The following COL5A1 variants were observed in gnomAD, a reference collection of about 807,000 sequenced individuals.
COL5A1 encodes collagen type V alpha 1 chain, also known as collagen alpha-1(V) chain.
Under a neutral mutation model 263.7 loss-of-function variants are expected in COL5A1, and 16 were observed. The ratio of observed to expected loss-of-function variants is 0.06; its 90% confidence interval spans 0.04 to 0.09. COL5A1 has a LOEUF of 0.09. COL5A1 is among the 10% of genes least tolerant of loss of function. The pLI is 1.00. For missense variants in COL5A1, 2,036 were observed against 2,540.5 expected (o/e 0.80, Z 4.27); for synonymous variants, 1,012 against 1,004.5 (o/e 1.01, Z -0.14).
At chr9:134,796,973 C>T (rs982993027) in intron 36 of COL5A1, 72 bp downstream of exon 36, 9 of 1,356,346 alleles carry the variant, frequency 6.6e-6, no homozygotes, top group South Asian at 3.6e-5. Flanking sequence ...CTCCAAAACC[C>T]GCCTGTTTTC....
intron 9 of COL5A1, 49 bp downstream of exon 9, chr9:134,732,176 G>C: frequency 6.2e-7 from 1 of 1,600,752 alleles, no homozygotes; most frequent in Non-Finnish European, 8.6e-7. Context: ...TCCGCTGCTC[G>C]GGGTCACAGC....
intron 1 of COL5A1, among the ~76,000 whole-genome samples, chr9:134,656,194 G>A (rs888716480): frequency 6.6e-5 from 10 of 152,148 alleles, no homozygotes; most frequent in African/African-American, 2.4e-4. Context: ...GCGGCTCCTC[G>A]TCCTGCCCGC....
Position 134,728,779 on chromosome 9 carries a change from C to T in COL5A1, c.896C>T (p.Ala299Val), listed in dbSNP as rs1412650294. The T allele has an allele frequency of 1.9e-6, 3 of 1,614,096 alleles. No homozygotes were observed. Among genetic ancestry groups the T allele is most frequent in the East Asian group, 4.5e-5 (2 of 44,882 alleles). ...ACCCCCAGCAAGAAGCCCGTGGAAG[C>T]TGCCAAAGAAACCACAGAGGTCCCC... ...EPTPSKKPVEAAKETTEVPEE... is the reference protein window; with the variant it reads ...EPTPSKKPVEVAKETTEVPEE... Residue 299 changes from alanine to valine, a missense_variant, in exon 6 of 66, where the codon GCT (alanine) becomes GTT (valine). Transcript: ENST00000371817.
At chr9:134,729,979 G>T (rs1211242469) in intron 6 of COL5A1, among the ~76,000 whole-genome samples, 1 of 152,200 alleles carries the variant, frequency 6.6e-6, no homozygotes, top group East Asian at 1.9e-4. Flanking sequence ...TGTGTAACTG[G>T]GTGGGTTTGA....
chr9:134,822,168 G>C lies in COL5A1; in HGVS notation c.4608+18G>C, dbSNP rs544203089. Reference sequence around the variant, plus strand: ...GCCTGCCGGTGTGTATCTGGGAGGGGCTTGGTCATTCCTGGGAGGGCAGGG... The same window carrying C: ...GCCTGCCGGTGTGTATCTGGGAGGGCCTTGGTCATTCCTGGGAGGGCAGGG... On this transcript the variant is annotated intron_variant, in intron 59 of 65. Transcript: ENST00000371817. 3 of 1,598,760 alleles carry C rather than the reference G, an allele frequency of 1.9e-6. No homozygotes were observed. The East Asian group carries it at 6.7e-5, about 36-fold the overall frequency.
In COL5A1 at chr9:134,810,351, G is replaced by A. The variant is rs41306395; in HGVS notation, c.3528+43G>A. The A allele has an allele frequency of 0.048, 76,877 of 1,601,092 alleles. 2,035 individuals carry two copies. The highest frequency in any genetic ancestry group is 0.055 in the Non-Finnish European group (64,698 of 1,168,826). ...GGCGCGCGGCAGCCCCCAGGTCCCG[G>A]GGGGCCTCGTCGCAGGCTGTAGGCC... On this transcript the variant is annotated intron_variant, in intron 44 of 65. Coordinates refer to ENST00000371817, the MANE Select transcript of COL5A1 (RefSeq NM_000093.5).
At chr9:134,806,432 C>T (rs1838299578) in intron 42 of COL5A1, 136 bp downstream of exon 42, 1 of 655,328 alleles carries the variant, frequency 1.5e-6, no homozygotes, top group Admixed American at 2.8e-5. Flanking sequence ...GTCTGCGGCC[C>T]TCTAGGACAG....
At chr9:134,703,447 G>A (rs1317051281) in intron 4 of COL5A1, among the ~76,000 whole-genome samples, 3 of 152,268 alleles carry the variant, frequency 2.0e-5, no homozygotes, top group South Asian at 4.1e-4. Flanking sequence ...GGCAAAGCAG[G>A]TGACATTGAT....
chr9:134,703,197 C>T (rs776054224), intron 4 of COL5A1, among the ~76,000 whole-genome samples: 81 of 152,142 alleles, frequency 5.3e-4, no homozygotes, highest in African/African-American at 1.9e-3. Context: ...TAGAGCAGGG[C>T]GGGTGCTTGG....
intron 27 of COL5A1, among the ~76,000 whole-genome samples, chr9:134,778,953 A>G (rs866810304): frequency 2.6e-5 from 4 of 152,246 alleles, no homozygotes; most frequent in South Asian, 4.1e-4. Flanking sequence ...ACGCAGCCCA[A>G]GGCCAGCCAC....
At position 134,642,030 on chromosome 9, in the gene COL5A1, C is replaced by A; in HGVS notation, c.-158C>A. On this transcript the variant is annotated 5_prime_UTR_variant, in exon 1 of 66. Transcript: ENST00000371817. The surrounding 1 kb of genome is among the most constrained non-coding windows in gnomAD (Gnocchi z 4.5). ...CGCCAGCCGCCCCTTCCAGAACAGC[C>A]GCCGCCACAAAGAAGAACGGGGGGT... 1.6e-6 allele frequency: 1 copy of A among 633,144 alleles called. No homozygotes were observed. The highest frequency in any genetic ancestry group is 2.3e-6 in the Non-Finnish European group (1 of 441,506). The allele number at this position is 633,144 out of a possible 1,614,324, so 39.2% of individuals were successfully genotyped here. A position where few individuals can be genotyped will look rare whatever the true frequency, so the allele number is the denominator to read the frequency against.
chr9:134,672,237 T>C (rs1302774104), intron 1 of COL5A1, among the ~76,000 whole-genome samples: 1 of 152,204 alleles, frequency 6.6e-6, no homozygotes, highest in Non-Finnish European at 1.5e-5. Flanking sequence ...ATAAAAGCAA[T>C]ATGTGTCCAT....
intron 25 of COL5A1, among the ~76,000 whole-genome samples, chr9:134,769,191 CTG>C (rs1458291543): frequency 3.3e-5 from 5 of 152,238 alleles, no homozygotes; most frequent in African/African-American, 4.8e-5. Context: ...TTTAATAACA[CTG>C]TTAAAAACTA....
In COL5A1 at chr9:134,727,364, C is replaced by T. The variant is rs374813957; in HGVS notation, c.753C>T (p.Thr251=). 7.0e-5 allele frequency: 113 copies of T among 1,613,958 alleles called. No individual in the cohort carries two copies. The highest frequency in any genetic ancestry group is 8.5e-5 in the Non-Finnish European group (100 of 1,179,984). The change falls in exon 5 of 66, where the codon ACC becomes ACT. Residue 251 remains threonine, a synonymous_variant. Transcript: ENST00000371817. ...SPDCDTAVPD[T]PQSQDPNPDE... is the part of the protein sequence containing the mutation. ...ACTGTGACACCGCAGTACCTGACAC[C>T]CCACAGTCGCAGGACCCCAATCCAG... is the stretch of plus-strand genomic sequence containing the variant.
At chr9:134,667,187 C>T (rs1481261009) in intron 1 of COL5A1, among the ~76,000 whole-genome samples, 1 of 152,156 alleles carries the variant, frequency 6.6e-6, no homozygotes, top group Non-Finnish European at 1.5e-5. Context: ...GGGCTCAGTG[C>T]CTGTCCTGTT....
intron 1 of COL5A1, among the ~76,000 whole-genome samples, chr9:134,655,746 T>G (rs1040932323): frequency 6.6e-6 from 1 of 152,136 alleles, no homozygotes; most frequent in Non-Finnish European, 1.5e-5. Context: ...GTGACCAGGC[T>G]GGACTCAGCC....
intron 53 of COL5A1, 105 bp from the exon 54 acceptor site, chr9:134,817,673 C>A: frequency 9.6e-7 from 1 of 1,046,992 alleles, no homozygotes; most frequent in Non-Finnish European, 1.5e-6. Context: ...CGTCCCTCTG[C>A]CCCTGCAGGC....
chr9:134,827,988 C>T (rs1224446273), intron 63 of COL5A1, among the ~76,000 whole-genome samples: 2 of 152,180 alleles, frequency 1.3e-5, no homozygotes, highest in Admixed American at 6.5e-5. Flanking sequence ...CTTCTTGGCA[C>T]AAGGCCAGCT....
Position 134,642,631 on chromosome 9 carries a change from A to C in COL5A1, c.109+335A>C, listed in dbSNP as rs2132455910. Among the ~76,000 whole-genome samples the C allele has an allele frequency of 6.6e-6, 1 of 152,274 alleles. No homozygotes were observed. Among genetic ancestry groups the C allele is most frequent in the East Asian group, 1.9e-4 (1 of 5,168 alleles). On this transcript the variant is annotated intron_variant, in intron 1 of 65. Transcript: ENST00000371817. The surrounding 1 kb of genome is among the most constrained non-coding windows in gnomAD (Gnocchi z 4.5). ...AAACCTTCCTTCTCTGTCCCACATC[A>C]CAGGCGCCCAGCTTGGGCCCTCACA...
Sources: gnomAD v4.1 joint callset for allele counts (sites outside exome capture counted in the v4.1 genomes callset) on GRCh38, gnomAD v4.1.1 for gene constraint, Gnocchi (gnomAD v3.1) non-coding constraint, MANE v1.5 for transcripts, NCBI Gene and HGNC (gene_info 2026-07-23, HGNC 2026-07-21) for gene names.